Variants in KCND2 observed in about 807,000 individuals in gnomAD.
KCND2 encodes A-type voltage-gated potassium channel KCND2.
KCND2 carries 16 observed loss-of-function variants against 54.4 expected under a neutral mutation model. That is an observed-to-expected ratio of 0.29 (90% CI 0.20 to 0.45). KCND2 has a LOEUF of 0.45. Among genes scored for constraint, KCND2 ranks in the 20% least tolerant of loss-of-function variants. The pLI, the probability that KCND2 is intolerant of heterozygous loss-of-function variation, is 1.00. For missense variants in KCND2, 486 were observed against 824.2 expected, an observed-to-expected ratio of 0.59 and a Z score of 5.02; for synonymous variants, 317 against 310.7, an observed-to-expected ratio of 1.02 and a Z score of -0.21.
rs147278915 is a variant in KCND2 at position 120,489,085 on chromosome 7, A to G, written c.1115+213338A>G. Among the ~76,000 whole-genome samples, 763 of 152,244 alleles carry G rather than the reference A, an allele frequency of 5.0e-3. 4 individuals carry two copies. The highest frequency in any genetic ancestry group is 0.017 in the African/African-American group (707 of 41,584). ...TTTTGTGTATGTGTTAATATTCTGT[A>G]TGTTAAACATGGGCCAAAATAATAC... On this transcript the variant is annotated intron_variant, in intron 1 of 5. Coordinates refer to ENST00000331113, the MANE Select transcript of KCND2 (RefSeq NM_012281.3).
intron 1 of KCND2, among the ~76,000 whole-genome samples, chr7:120,384,998 CTT>C (rs372225817): frequency 2.4e-5 from 2 of 82,528 alleles, no homozygotes; most frequent in African/African-American, 9.7e-5. Flanking sequence ...TTGTATATAA[CTT>C]TTTTTTTTTT....
chr7:120,627,811 A>G (rs896101737), intron 1 of KCND2, among the ~76,000 whole-genome samples: 1 of 151,870 alleles, frequency 6.6e-6, no homozygotes, highest in African/African-American at 2.4e-5. Context: ...AGGTGAATTT[A>G]TAATACATAG....
At chr7:120,518,712 TA>T (rs1803235264) in intron 1 of KCND2, among the ~76,000 whole-genome samples, 1 of 151,390 alleles carries the variant, frequency 6.6e-6, no homozygotes, top group African/African-American at 2.5e-5. Flanking sequence ...ACTGAAACAA[TA>T]GTTTGTTTCA....
At chr7:120,483,981 A>G (rs1423346923) in intron 1 of KCND2, among the ~76,000 whole-genome samples, 1 of 152,154 alleles carries the variant, frequency 6.6e-6, no homozygotes, top group African/African-American at 2.4e-5. Flanking sequence ...TGAGTGTGTG[A>G]CTGCTGAAGA....
intron 1 of KCND2, among the ~76,000 whole-genome samples, chr7:120,307,137 A>AT (rs1477811834): frequency 1.0e-3 from 154 of 152,078 alleles, no homozygotes; most frequent in African/African-American, 3.6e-3. Flanking sequence ...CCAATCTACA[A>AT]TTTTTTTCCA....
At chr7:120,291,267 A>T (rs1454845541) in intron 1 of KCND2, among the ~76,000 whole-genome samples, 1 of 151,906 alleles carries the variant, frequency 6.6e-6, no homozygotes, top group Non-Finnish European at 1.5e-5. Context: ...GATGGAACAG[A>T]TTGTCTTAGA....
intron 1 of KCND2, among the ~76,000 whole-genome samples, chr7:120,340,690 T>C (rs756227672): frequency 2.6e-5 from 4 of 152,168 alleles, no homozygotes; most frequent in Non-Finnish European, 5.9e-5. Flanking sequence ...CCAGAGTTCA[T>C]TGGTGATCTT....
chr7:120,736,460 T>C (rs916089560), intron 2 of KCND2, among the ~76,000 whole-genome samples: 19 of 152,024 alleles, frequency 1.2e-4, no homozygotes, highest in Admixed American at 1.1e-3. Flanking sequence ...ACTATAAGTA[T>C]TTACTGAGTA....
intron 1 of KCND2, among the ~76,000 whole-genome samples, chr7:120,381,184 G>A (rs1362699676): frequency 6.6e-6 from 1 of 152,064 alleles, no homozygotes; most frequent in Non-Finnish European, 1.5e-5. Flanking sequence ...GAACCCAGGA[G>A]GTGGAGGTTG....
chr7:120,416,628 A>G (rs1801528741), intron 1 of KCND2, among the ~76,000 whole-genome samples: 1 of 152,208 alleles, frequency 6.6e-6, no homozygotes, highest in Admixed American at 6.5e-5. Flanking sequence ...TCACAACCAG[A>G]GAAGACAGCC....
At chr7:120,476,107 T>C (rs1459325265) in intron 1 of KCND2, among the ~76,000 whole-genome samples, 1 of 152,198 alleles carries the variant, frequency 6.6e-6, no homozygotes, top group Admixed American at 6.5e-5. Flanking sequence ...ATGTAAGTGG[T>C]TGCATGCACA....
chr7:120,525,752 T>C (rs1014386557), intron 1 of KCND2, among the ~76,000 whole-genome samples: 8 of 152,194 alleles, frequency 5.3e-5, no homozygotes, highest in African/African-American at 1.7e-4. Flanking sequence ...ATTTACTAAA[T>C]GAATTAATGG....
At chr7:120,384,235 G>A (rs1800956322) in intron 1 of KCND2, among the ~76,000 whole-genome samples, 1 of 151,830 alleles carries the variant, frequency 6.6e-6, no homozygotes, top group South Asian at 2.1e-4. Context: ...TCTGTCCATA[G>A]TTGGTTGAAT....
At chr7:120,715,537 A>C (rs906332688) in intron 1 of KCND2, among the ~76,000 whole-genome samples, 1 of 152,094 alleles carries the variant, frequency 6.6e-6, no homozygotes, top group Non-Finnish European at 1.5e-5. Context: ...AGCTAAAACA[A>C]AATCATTACA....
In KCND2 at chr7:120,423,887, G is replaced by A. The variant is rs547302655; in HGVS notation, c.1115+148140G>A. Among the ~76,000 whole-genome samples the A allele has an allele frequency of 7.2e-5, 11 of 152,134 alleles. No homozygotes were observed. The South Asian group carries it at 8.3e-4, about 11-fold the overall frequency. On this transcript the variant is annotated intron_variant, in intron 1 of 5. Coordinates refer to ENST00000331113, the MANE Select transcript of KCND2 (RefSeq NM_012281.3). ...CTATCAGAGCATTTTAACCCAACTC[G>A]AACAAAACCAGATATAAAACTTTTG... is the stretch of plus-strand genomic sequence containing the variant.
intron 1 of KCND2, among the ~76,000 whole-genome samples, chr7:120,671,013 T>C (rs1441699310): frequency 6.6e-6 from 1 of 152,100 alleles, no homozygotes; most frequent in East Asian, 1.9e-4. Context: ...ACTATAATTA[T>C]GTTTGTTTAC....
At chr7:120,661,744 A>G (rs1489138704) in intron 1 of KCND2, among the ~76,000 whole-genome samples, 1 of 152,160 alleles carries the variant, frequency 6.6e-6, no homozygotes, top group Admixed American at 6.5e-5. Flanking sequence ...AGAAAATTAA[A>G]TAATATGAAG....
chr7:120,721,479 A>T (rs1792665297), intron 1 of KCND2, among the ~76,000 whole-genome samples: 1 of 152,198 alleles, frequency 6.6e-6, no homozygotes, highest in South Asian at 2.1e-4. Flanking sequence ...CTTCTAAAAC[A>T]TAACTAATGT....
At chr7:120,666,066 G>A (rs900032162) in intron 1 of KCND2, among the ~76,000 whole-genome samples, 2 of 151,924 alleles carry the variant, frequency 1.3e-5, no homozygotes, top group African/African-American at 2.4e-5. Context: ...AAATTTAAAG[G>A]ACTTTATTTT....
Sources: allele counts gnomAD v4.1 joint callset (sites outside exome capture counted in the v4.1 genomes callset), GRCh38; gene constraint gnomAD v4.1.1; transcripts MANE v1.5; gene names NCBI Gene and HGNC (gene_info 2026-07-23, HGNC 2026-07-21).